ANK2: variants seen among roughly 807,000 people sequenced by gnomAD.
ANK2 encodes ankyrin-2.
A neutral mutation model predicts 360.5 loss-of-function variants in ANK2; 83 were observed. The ratio of observed to expected loss-of-function variants is 0.23; its 90% CI spans 0.19 to 0.28. ANK2 has a LOEUF of 0.28. Ranked by LOEUF, ANK2 falls within the 10% of genes least tolerant of loss-of-function variation. The pLI is 1.00. For synonymous variants in ANK2, 1,740 were observed against 1,759.5 expected (o/e 0.99, Z 0.28); for missense variants, 4,201 against 4,795.7 (o/e 0.88, Z 3.66).
intron 2 of ANK2, among the ~76,000 whole-genome samples, chr4:113,011,338 C>G (rs1472797215): frequency 1.3e-5 from 2 of 152,022 alleles, no homozygotes; most frequent in African/African-American, 4.8e-5. Context: ...TATCTCTGCT[C>G]TCTTAGAGTT....
At chr4:113,136,292 C>A (rs372563205) in intron 1 of ANK2, among the ~76,000 whole-genome samples, 1 of 152,204 alleles carries the variant, frequency 6.6e-6, no homozygotes, top group African/African-American at 2.4e-5. Flanking sequence ...GGCAGGGCTT[C>A]CAAGAGGAGT....
intron 1 of ANK2, among the ~76,000 whole-genome samples, chr4:112,861,839 CAGAGAGAG>C (rs141841376): frequency 1.4e-4 from 19 of 140,508 alleles, no homozygotes; most frequent in Middle Eastern, 3.7e-3. Context: ...TACATAGAGA[CAGAGAGAG>C]AGAGAGAGAG....
intron 1 of ANK2, among the ~76,000 whole-genome samples, chr4:113,128,779 G>A (rs1446056427): frequency 6.6e-6 from 1 of 152,038 alleles, no homozygotes; most frequent in Non-Finnish European, 1.5e-5. Context: ...GTGAGCCACC[G>A]GAACTCGTTG....
chr4:112,931,134 A>T (rs1291458568), intron 2 of ANK2, among the ~76,000 whole-genome samples: 1 of 152,118 alleles, frequency 6.6e-6, no homozygotes. Flanking sequence ...CAGTTATGAT[A>T]AGAGGTTTTA....
intron 13 of ANK2, among the ~76,000 whole-genome samples, chr4:113,264,252 TTGAAA>T (rs1286813384): frequency 1.3e-5 from 2 of 152,236 alleles, no homozygotes; most frequent in Non-Finnish European, 2.9e-5. Flanking sequence ...ATTTTGAATC[TTGAAA>T]TGATTTATTT....
chr4:112,873,757 G>A, intron 1 of ANK2, among the ~76,000 whole-genome samples: 1 of 151,470 alleles, frequency 6.6e-6, no homozygotes, highest in Non-Finnish European at 1.5e-5. Context: ...TGTTAGCCAG[G>A]ATGGTCTTGA....
At chr4:112,732,039 A>G in the ANK2 span, among the ~76,000 whole-genome samples, 1 of 152,216 alleles carries the variant, frequency 6.6e-6, no homozygotes, top group Non-Finnish European at 1.5e-5. Context: ...CAGGAATTCT[A>G]TAAGCTAGTT....
chr4:113,024,917 ATAT>A (rs1170172315), intron 2 of ANK2, among the ~76,000 whole-genome samples: 2 of 152,162 alleles, frequency 1.3e-5, no homozygotes, highest in African/African-American at 4.8e-5. Context: ...CTGTCTTTAC[ATAT>A]TATAACTACC....
intron 32 of ANK2, among the ~76,000 whole-genome samples, chr4:113,340,290 A>G (rs1005919253): frequency 6.6e-6 from 1 of 152,238 alleles, no homozygotes; most frequent in African/African-American, 2.4e-5. Context: ...TTGGAACCTA[A>G]TAGGCAGATA....
intron 20 of ANK2, among the ~76,000 whole-genome samples, chr4:113,291,069 A>G (rs1286695934): frequency 6.6e-6 from 1 of 152,212 alleles, no homozygotes; most frequent in Non-Finnish European, 1.5e-5. Flanking sequence ...ATATTTATAG[A>G]TAATTTAGGT....
At chr4:113,232,782 A>G (rs2099326060) in intron 5 of ANK2, among the ~76,000 whole-genome samples, 1 of 152,234 alleles carries the variant, frequency 6.6e-6, no homozygotes, top group Non-Finnish European at 1.5e-5. Context: ...AATGTTCAAA[A>G]TCAGTCTAGT....
rs114896457 is a variant in ANK2 at position 113,333,195 on chromosome 4, C to T, written c.3366C>T (p.Asn1122=). The change falls in exon 29 of 46, where the codon AAC becomes AAT. Residue 1122 remains asparagine, a synonymous_variant. Coordinates refer to ENST00000357077, the MANE Select transcript of ANK2 (RefSeq NM_001148.6). ...AAGATGAATTGAATGAAATTCTTAA[C>T]GGCATGGATGAAGGTACTTTCAGAT... ...YTEDELNEIL[N]GMDEVLDSPE... is the part of the protein sequence containing the mutation. 7.8e-4 allele frequency: 1,253 copies of T among 1,614,006 alleles called. 10 individuals are homozygous for T. In the African/African-American group the frequency reaches 7.8e-3, roughly 10 times the overall value.
At chr4:113,368,985 A>G (rs536741474) in intron 42 of ANK2, among the ~76,000 whole-genome samples, 15 of 152,340 alleles carry the variant, frequency 9.8e-5, no homozygotes, top group African/African-American at 2.9e-4. Flanking sequence ...ACTCCAGACT[A>G]TATCAATGAA....
chr4:112,801,716 AGAT>A, the ANK2 span, among the ~76,000 whole-genome samples: 1 of 152,220 alleles, frequency 6.6e-6, no homozygotes, highest in Admixed American at 6.5e-5. Context: ...AAATAAAAAA[AGAT>A]GAGTGTGGTT....
chr4:112,934,573 G>A (rs997676269), intron 2 of ANK2, among the ~76,000 whole-genome samples: 3 of 151,960 alleles, frequency 2.0e-5, no homozygotes, highest in Non-Finnish European at 2.9e-5. Context: ...TTTCAGCCCC[G>A]CTTCCTCTCC....
Position 113,291,816 on chromosome 4 carries a change from A to G in ANK2, c.2278-600A>G, listed in dbSNP as rs118067448. Among the ~76,000 whole-genome samples the G allele has an allele frequency of 6.4e-4, 98 of 152,338 alleles. No individual in the cohort carries two copies. In the East Asian group the frequency reaches 0.013, roughly 21 times the overall value. ...CTGAACCTCGCCCGATTGTGGAGAA[A>G]TTACTTAACTTTCTTATTTTCAGTT... On this transcript the variant is annotated intron_variant, in intron 20 of 45. Transcript: ENST00000357077.
chr4:113,269,875 A>G (rs988967838), intron 14 of ANK2, among the ~76,000 whole-genome samples: 1 of 152,236 alleles, frequency 6.6e-6, no homozygotes, highest in African/African-American at 2.4e-5. Context: ...ACAGATCTTC[A>G]TGCAGAATCC....
chr4:113,184,374 T>C (rs912097583), intron 2 of ANK2, among the ~76,000 whole-genome samples: 3 of 151,982 alleles, frequency 2.0e-5, no homozygotes, highest in Non-Finnish European at 4.4e-5. Context: ...CCCAAGCAGA[T>C]AGCAATTGTG....
chr4:113,309,582 G>A (rs767284447), intron 23 of ANK2, among the ~76,000 whole-genome samples: 9 of 152,036 alleles, frequency 5.9e-5, no homozygotes, highest in Non-Finnish European at 7.4e-5. Flanking sequence ...GCAGTGGTGC[G>A]ATCATGGCTC....
Sources: allele counts gnomAD v4.1 joint callset (sites outside exome capture counted in the v4.1 genomes callset), GRCh38; gene constraint gnomAD v4.1.1; transcripts MANE v1.5; gene names NCBI Gene and HGNC (gene_info 2026-07-23, HGNC 2026-07-21).